The following RPRD1A variants were observed in gnomAD, a reference collection of about 807,000 sequenced individuals.
The protein encoded by RPRD1A is regulation of nuclear pre-mRNA domain-containing protein 1A.
RPRD1A carries 9 observed loss-of-function variants against 37.8 expected under a neutral mutation model. That is an observed-to-expected ratio of 0.24 (90% confidence interval 0.14 to 0.42). The LOEUF is 0.42. RPRD1A is among the 10% of genes least tolerant of loss of function. The pLI is 1.00. For missense variants in RPRD1A, 255 were observed against 371.0 expected, an observed-to-expected ratio of 0.69 and a Z score of 2.57; for synonymous variants, 138 against 139.7, an observed-to-expected ratio of 0.99 and a Z score of 0.08.
intron 1 of RPRD1A, among the ~76,000 whole-genome samples, chr18:36,059,087 A>G (rs955996753): frequency 2.6e-5 from 4 of 152,208 alleles, no homozygotes; most frequent in African/African-American, 7.2e-5. Flanking sequence ...CAACATATAC[A>G]TCTATCAAAA....
At chr18:36,021,286 T>C (rs1910977667) in intron 6 of RPRD1A, among the ~76,000 whole-genome samples, 1 of 152,194 alleles carries the variant, frequency 6.6e-6, no homozygotes, top group African/African-American at 2.4e-5. Flanking sequence ...AGTCTAGAGG[T>C]ACCATTTTCC....
At chr18:36,034,227 C>A (rs538180444) in intron 1 of RPRD1A, among the ~76,000 whole-genome samples, 8 of 152,246 alleles carry the variant, frequency 5.3e-5, no homozygotes, top group African/African-American at 1.7e-4. Context: ...TGTGAAACAA[C>A]AGAAGAGCAT....
intron 1 of RPRD1A, chr18:36,062,909 C>T (rs368475175): frequency 6.6e-6 from 1 of 152,114 alleles, no homozygotes; most frequent in Non-Finnish European, 1.5e-5. Flanking sequence ...GAATAGTATA[C>T]TTTGAATGGA....
rs115347092 is a variant in RPRD1A, at chr18:36,064,723, G to A, written c.151+2531C>T. ...GGGGCCAGATAAGAGAATAAAAGCAGGCCACCCAAACCAGCAGCAACAACC... is the reference window on the plus strand; with the variant it reads ...GGGGCCAGATAAGAGAATAAAAGCAAGCCACCCAAACCAGCAGCAACAACC... On this transcript the variant is annotated intron_variant, in intron 1 of 6. Transcript: ENST00000399022. Among the ~76,000 whole-genome samples, 386 of 152,224 alleles carry A rather than the reference G, an allele frequency of 2.5e-3. 4 individuals carry two copies. Among genetic ancestry groups the A allele is most frequent in the African/African-American group, 8.7e-3 (360 of 41,528 alleles).
intron 1 of RPRD1A, among the ~76,000 whole-genome samples, chr18:36,036,311 T>A (rs768260151): frequency 3.9e-5 from 6 of 152,092 alleles, no homozygotes; most frequent in Non-Finnish European, 8.8e-5. Context: ...TGAGCTCAAG[T>A]GACCCTCCCA....
Position 35,993,044 on chromosome 18 carries a change from G to T in RPRD1A, c.*107C>A. 2 of 917,340 alleles carry T rather than the reference G, an allele frequency of 2.2e-6. No individual in the cohort carries two copies. Among genetic ancestry groups the T allele is most frequent in the Non-Finnish European group, 3.1e-6 (2 of 649,690 alleles). The allele number at this position is 917,340 out of a possible 1,614,324, so 56.8% of individuals were successfully genotyped here. On this transcript the variant is annotated 3_prime_UTR_variant, in exon 7 of 7. Coordinates refer to ENST00000399022, the MANE Select transcript of RPRD1A (RefSeq NM_018170.5). ...TTATAAATTACTCGTTGTTCCTTTT[G>T]TTAGTGTTTCTTTCTCAACAATATA...
At chr18:36,024,122 A>T (rs1286743715) in intron 6 of RPRD1A, among the ~76,000 whole-genome samples, 11 of 152,104 alleles carry the variant, frequency 7.2e-5, no homozygotes, top group Non-Finnish European at 1.5e-4. Flanking sequence ...TTAATAGTCT[A>T]TTTTAACAGT....
At chr18:36,002,514 A>G (rs1909485904) in intron 6 of RPRD1A, among the ~76,000 whole-genome samples, 1 of 152,076 alleles carries the variant, frequency 6.6e-6, no homozygotes, top group Non-Finnish European at 1.5e-5. Flanking sequence ...GGCTCAAGTG[A>G]TCCTCCCACC....
intron 1 of RPRD1A, among the ~76,000 whole-genome samples, chr18:36,061,501 A>G (rs1444310101): frequency 6.6e-6 from 1 of 152,214 alleles, no homozygotes; most frequent in African/African-American, 2.4e-5. Context: ...GCTCTTATAG[A>G]GATCTTTCAG....
At chr18:35,997,517 G>A (rs1335499869) in intron 6 of RPRD1A, among the ~76,000 whole-genome samples, 1 of 152,168 alleles carries the variant, frequency 6.6e-6, no homozygotes, top group Non-Finnish European at 1.5e-5. Context: ...ACATTCATAA[G>A]CAATTTCTTT....
intron 1 of RPRD1A, among the ~76,000 whole-genome samples, chr18:36,056,065 A>G (rs1913745003): frequency 6.6e-6 from 1 of 152,206 alleles, no homozygotes; most frequent in African/African-American, 2.4e-5. Flanking sequence ...ATAAATTTTA[A>G]TAGAAAAATT....
In RPRD1A at chr18:35,993,232, C is replaced by T. The variant is rs1280223787; in HGVS notation, c.858G>A (p.Leu286=). 1.2e-6 allele frequency: 2 copies of T among 1,614,196 alleles called. No individual in the cohort carries two copies. Among genetic ancestry groups the T allele is most frequent in the Non-Finnish European group, 1.7e-6 (2 of 1,180,020 alleles). Residue 286 remains leucine, a synonymous_variant, in exon 7 of 7, where the codon CTG becomes CTA. Coordinates refer to ENST00000399022, the MANE Select transcript of RPRD1A (RefSeq NM_018170.5). ...CATTGGGCAATCGAGATAAGTCTGGCAGGCTCTGGATCCGGGACCTGAGTT... is the reference window on the plus strand; with the variant it reads ...CATTGGGCAATCGAGATAAGTCTGGTAGGCTCTGGATCCGGGACCTGAGTT... ...RKELRSRIQS[L]PDLSRLPNVT... is the part of the protein sequence containing the mutation.
chr18:36,008,647 T>C (rs1286454053), intron 6 of RPRD1A, among the ~76,000 whole-genome samples: 1 of 143,842 alleles, frequency 7.0e-6, no homozygotes, highest in Non-Finnish European at 1.5e-5. Flanking sequence ...TCAATTTTGA[T>C]ATACTGAAAT....
At chr18:36,031,142 AATGC>A (rs777796884) in intron 2 of RPRD1A, 45 bp from the exon 3 acceptor site, 1 of 1,477,892 alleles carries the variant, frequency 6.8e-7, no homozygotes, top group Admixed American at 2.7e-5. Context: ...TAACAGTAAC[AATGC>A]ATAGTGTTAT....
intron 1 of RPRD1A, among the ~76,000 whole-genome samples, chr18:36,060,357 C>A (rs571037025): frequency 6.6e-6 from 1 of 151,974 alleles, no homozygotes; most frequent in African/African-American, 2.4e-5. Flanking sequence ...GGCATGAACC[C>A]GGGAAGGTGG....
At chr18:36,053,407 T>C (rs1313734874) in intron 1 of RPRD1A, among the ~76,000 whole-genome samples, 2 of 152,198 alleles carry the variant, frequency 1.3e-5, no homozygotes, top group Non-Finnish European at 2.9e-5. Context: ...TATTATGGAA[T>C]TACATGAAAA....
intron 6 of RPRD1A, among the ~76,000 whole-genome samples, chr18:36,016,234 T>C (rs1263910066): frequency 1.3e-5 from 2 of 152,232 alleles, no homozygotes; most frequent in African/African-American, 2.4e-5. Context: ...CTTTTTTCTT[T>C]TTTTTGAGGC....
intron 6 of RPRD1A, chr18:36,025,878 T>A: frequency 3.2e-6 from 1 of 311,912 alleles, no homozygotes; most frequent in Non-Finnish European, 6.1e-6. Flanking sequence ...ATCTTTTCCT[T>A]TCCATGTAGA....
At chr18:36,004,991 CAG>C (rs1400939797) in intron 6 of RPRD1A, among the ~76,000 whole-genome samples, 1 of 152,188 alleles carries the variant, frequency 6.6e-6, no homozygotes, top group African/African-American at 2.4e-5. Context: ...CTCACTTTCA[CAG>C]AGACTTTTTA....
Sources: allele counts gnomAD v4.1 joint callset (sites outside exome capture counted in the v4.1 genomes callset), GRCh38; gene constraint gnomAD v4.1.1; transcripts MANE v1.5; gene names NCBI Gene and HGNC (gene_info 2026-07-23, HGNC 2026-07-21).